The following FAM120B variants were observed in gnomAD, a reference collection of about 807,000 sequenced individuals.
FAM120B encodes constitutive coactivator of peroxisome proliferator-activated receptor gamma.
A neutral mutation model predicts 96.3 loss-of-function variants in FAM120B; 83 were observed. That is an observed-to-expected ratio of 0.86 (90% CI 0.72 to 1.03). The LOEUF (loss-of-function observed/expected upper bound fraction) is 1.03, where lower values mean the gene tolerates loss of function less well. Among genes scored for constraint, FAM120B ranks in the 50% least tolerant of loss-of-function variants. The probability of loss-of-function intolerance (pLI) is 0.00; values close to 1 mark genes in which losing one functional copy is unlikely to be tolerated. For missense variants in FAM120B, 1,027 were observed against 1,121.2 expected (o/e 0.92, Z 1.20); for synonymous variants, 407 against 402.7 (o/e 1.01, Z -0.13).
intron 9 of FAM120B, among the ~76,000 whole-genome samples, chr6:170,398,252 C>T (rs1309934050): frequency 6.6e-6 from 1 of 152,236 alleles, no homozygotes; most frequent in Non-Finnish European, 1.5e-5. Context: ...AATTCTGTGA[C>T]TTTCTATTCT....
At chr6:170,361,820 G>A (rs1388974909) in intron 6 of FAM120B, among the ~76,000 whole-genome samples, 1 of 152,138 alleles carries the variant, frequency 6.6e-6, no homozygotes, top group Non-Finnish European at 1.5e-5. Flanking sequence ...TTGAGACAGA[G>A]CCTCGCTCTG....
chr6:170,397,430 G>A (rs1253975470), intron 9 of FAM120B, among the ~76,000 whole-genome samples: 8 of 152,166 alleles, frequency 5.3e-5, no homozygotes. Flanking sequence ...CAGATTTGGG[G>A]GCAGAGGGGC....
At chr6:170,361,156 T>G (rs993817378) in intron 6 of FAM120B, among the ~76,000 whole-genome samples, 3 of 141,496 alleles carry the variant, frequency 2.1e-5, no homozygotes, top group African/African-American at 7.9e-5. Context: ...CCAACATTAC[T>G]TTCCTACTCA....
chr6:170,361,210 A>ATGTG (rs1554286403), intron 6 of FAM120B, among the ~76,000 whole-genome samples: 1 of 96,566 alleles, frequency 1.0e-5, no homozygotes, highest in African/African-American at 4.1e-5. Context: ...ATATATATAT[A>ATGTG]TATATATATA....
rs952071414 is a variant in FAM120B, at chr6:170,295,959, G to A, written c.48+506G>A. Among the ~76,000 whole-genome samples the A allele has an allele frequency of 6.6e-6, 1 of 152,112 alleles. No homozygotes were observed. The highest frequency in any genetic ancestry group is 1.5e-5 in the Non-Finnish European group (1 of 67,954). ...AGCTGGCGGCCCCGGCGCAGATGAC[G>A]GCTCGGCAGCGGGCCCCCGCCCCCT... On this transcript the variant is annotated intron_variant, in intron 1 of 10. Transcript: ENST00000537664. This position sits in a 1 kb window ranked among gnomAD's most constrained non-coding sequence, Gnocchi z 7.8.
At chr6:170,290,937 C>T, upstream of FAM120B, 4 of 698,522 alleles carry the variant, frequency 5.7e-6, no homozygotes, top group Non-Finnish European at 1.0e-5. The surrounding 1 kb of genome is among the most constrained non-coding windows in gnomAD (Gnocchi z 4.7). Flanking sequence ...CTGGCTCTCG[C>T]CGGCGCCTGC....
rs756163123 is a variant in FAM120B, at chr6:170,323,191, C to G, written c.1847C>G (p.Pro616Arg). The G allele has an allele frequency of 1.2e-5, 19 of 1,613,944 alleles. No homozygotes were observed. In the Admixed American group the frequency reaches 1.5e-4, roughly 13 times the overall value. ...TLEDELDQAL[P>R]SQAFIYRPIR... The stretch of plus-strand genomic sequence containing the variant: ...GAAGATGAGCTTGACCAGGCCTTAC[C>G]CAGCCAGGCCTTCATTTACCGTCCC... The change falls in exon 3 of 11, where the codon CCC becomes CGC. Residue 616 changes from proline (P) to arginine (R), a missense_variant. Coordinates refer to ENST00000476287, the MANE Select transcript of FAM120B (RefSeq NM_032448.3).
At chr6:170,355,323 A>G (rs1322526797) in intron 5 of FAM120B, among the ~76,000 whole-genome samples, 5 of 152,218 alleles carry the variant, frequency 3.3e-5, no homozygotes, top group South Asian at 2.1e-4. Flanking sequence ...ACCTAAATGC[A>G]TATCAGTGAT....
At chr6:170,361,081 C>T (rs1788326575) in intron 6 of FAM120B, among the ~76,000 whole-genome samples, 1 of 151,714 alleles carries the variant, frequency 6.6e-6, no homozygotes, top group East Asian at 1.9e-4. Flanking sequence ...GTAGGTGGCT[C>T]TTCTGGCAGT....
intron 4 of FAM120B, among the ~76,000 whole-genome samples, chr6:170,332,920 A>T (rs1420330602): frequency 6.6e-6 from 1 of 151,958 alleles, no homozygotes; most frequent in Admixed American, 6.6e-5. Flanking sequence ...CTTTTTTTTT[A>T]AAGTCTTTTT....
rs369270723 is a variant in FAM120B, at chr6:170,319,057, A to G, written c.1667A>G (p.Asp556Gly). Residue 556 changes from aspartate to glycine, a missense_variant, in exon 2 of 11, where the codon GAC becomes GGC. Asp to Gly is a moderately conservative substitution (Grantham distance 94, BLOSUM62 -1). Around this residue, in one of 3 missense-constraint regions of FAM120B, gnomAD observed 880 missense variants for 980.9 expected, o/e 0.90. Coordinates refer to ENST00000476287, the MANE Select transcript of FAM120B (RefSeq NM_032448.3). ...MCTNPEIKQE[D>G]PTNVGPEVKQ... ...ACAAACCCTGAAATTAAACAAGAAG[A>G]CCCCACAAATGTGGGGCCTGAAGTA... The G allele has an allele frequency of 1.9e-6, 3 of 1,601,002 alleles. No homozygotes were observed. Among genetic ancestry groups the G allele is most frequent in the African/African-American group, 1.3e-5 (1 of 74,232 alleles).
At chr6:170,369,547 A>G (rs1170468954) in intron 6 of FAM120B, among the ~76,000 whole-genome samples, 1 of 152,182 alleles carries the variant, frequency 6.6e-6, no homozygotes, top group African/African-American at 2.4e-5. Context: ...GGAGAGAGTG[A>G]GGAAGTCAAC....
At chr6:170,361,197 T>TAC (rs1562566543) in intron 6 of FAM120B, among the ~76,000 whole-genome samples, 8 of 44,150 alleles carry the variant, frequency 1.8e-4, no homozygotes, top group African/African-American at 1.1e-3. Context: ...TATATATACG[T>TAC]GTATATATAT....
intron 1 of FAM120B, among the ~76,000 whole-genome samples, chr6:170,315,328 A>G (rs1467742476): frequency 6.6e-6 from 1 of 152,176 alleles, no homozygotes; most frequent in African/African-American, 2.4e-5. Flanking sequence ...TTTAAAAGCC[A>G]TTTTGACCAA....
intron 4 of FAM120B, among the ~76,000 whole-genome samples, chr6:170,342,700 A>T (rs1786915101): frequency 6.6e-6 from 1 of 152,162 alleles, no homozygotes. Context: ...TGTCCTGTCC[A>T]TCTGTTCACA....
At chr6:170,311,415 A>G (rs1366425067) in intron 1 of FAM120B, among the ~76,000 whole-genome samples, 1 of 152,222 alleles carries the variant, frequency 6.6e-6, no homozygotes, top group Non-Finnish European at 1.5e-5. Flanking sequence ...TATAAATACA[A>G]TTGCAAGTTA....
At chr6:170,371,221 A>G (rs1328185054) in intron 6 of FAM120B, among the ~76,000 whole-genome samples, 1 of 151,696 alleles carries the variant, frequency 6.6e-6, no homozygotes, top group Non-Finnish European at 1.5e-5. Flanking sequence ...TGTTCTGAAC[A>G]TTTCATAAAC....
upstream of FAM120B, among the ~76,000 whole-genome samples, chr6:170,291,481 G>T (rs1046909595): frequency 1.3e-5 from 2 of 152,144 alleles, no homozygotes. Context: ...TGGCGGGGCC[G>T]CCCCTTCTTC....
intron 6 of FAM120B, among the ~76,000 whole-genome samples, chr6:170,361,228 A>ACGTG (rs1309688443): frequency 7.8e-6 from 1 of 127,880 alleles, no homozygotes; most frequent in African/African-American, 2.8e-5. Context: ...ATATATATAT[A>ACGTG]TATATATACA....
Sources: allele counts gnomAD v4.1 joint callset (sites outside exome capture counted in the v4.1 genomes callset), GRCh38; gene constraint gnomAD v4.1.1; regional missense constraint gnomAD v4.1.1; non-coding constraint Gnocchi (gnomAD v3.1); transcripts MANE v1.5; gene names NCBI Gene and HGNC (gene_info 2026-07-23, HGNC 2026-07-21).